ADGRL3: variants seen among roughly 807,000 people sequenced by gnomAD.
The protein encoded by ADGRL3 is calcium-independent alpha-latrotoxin receptor 3.
In ADGRL3, 62 loss-of-function variants were observed where a neutral mutation model predicts 153.5. That is an observed-to-expected ratio of 0.40 (90% CI 0.33 to 0.50). The LOEUF (loss-of-function observed/expected upper bound fraction) is 0.50, where lower values mean the gene tolerates loss of function less well. Among genes scored for constraint, ADGRL3 ranks in the 20% least tolerant of loss-of-function variants. ADGRL3 has a pLI of 0.47. For missense variants in ADGRL3, 1,641 were observed against 1,859.4 expected, an observed-to-expected ratio of 0.88 and a Z score of 2.16; for synonymous variants, 710 against 672.5, an observed-to-expected ratio of 1.06 and a Z score of -0.86.
intron 6 of ADGRL3, among the ~76,000 whole-genome samples, chr4:61,722,375 C>G (rs533032279): frequency 1.3e-5 from 2 of 152,116 alleles, no homozygotes; most frequent in Non-Finnish European, 2.9e-5. Flanking sequence ...CAACAAAACC[C>G]AACAAGACAT....
chr4:61,298,200 A>C lies in ADGRL3; in HGVS notation c.-239-84924A>C, dbSNP rs149569130. On this transcript the variant is annotated intron_variant, in intron 1 of 26. Transcript: ENST00000683033. ...GTAATTATTAACCTCTCTGTGTAAA[A>C]GTTATTTAAATTGTTATTTCTATAT... is the stretch of plus-strand genomic sequence containing the variant. 4.5e-3 allele frequency among the ~76,000 whole-genome samples: 680 copies of C among 152,280 alleles called. 4 individuals carry two copies. The highest frequency in any genetic ancestry group is 0.031 in the Middle Eastern group (9 of 294).
chr4:61,609,751 T>C (rs1038147980), intron 5 of ADGRL3, among the ~76,000 whole-genome samples: 2 of 152,092 alleles, frequency 1.3e-5, no homozygotes, highest in Non-Finnish European at 2.9e-5. Flanking sequence ...ATGTGTAGCA[T>C]TGTGATAACA....
chr4:61,276,539 T>C (rs752540453), intron 1 of ADGRL3, among the ~76,000 whole-genome samples: 1 of 152,196 alleles, frequency 6.6e-6, no homozygotes, highest in South Asian at 2.1e-4. Context: ...CTAAATTGTT[T>C]AGTGGGATTT....
chr4:61,267,299 A>G (rs1260202401), intron 1 of ADGRL3, among the ~76,000 whole-genome samples: 1 of 151,788 alleles, frequency 6.6e-6, no homozygotes, highest in African/African-American at 2.4e-5. Flanking sequence ...TAGCAGGAAT[A>G]AAAGTCTCTG....
intron 2 of ADGRL3, among the ~76,000 whole-genome samples, chr4:61,390,266 C>T (rs1392810517): frequency 6.6e-6 from 1 of 152,012 alleles, no homozygotes; most frequent in African/African-American, 2.4e-5. Context: ...TAGCAGTAGC[C>T]CAGTCAAAAT....
intron 9 of ADGRL3, among the ~76,000 whole-genome samples, chr4:61,854,892 C>T (rs1426617680): frequency 6.6e-6 from 1 of 152,144 alleles, no homozygotes; most frequent in African/African-American, 2.4e-5. Context: ...AATCTATGAT[C>T]TCAGTATAAC....
At chr4:61,962,574 A>G (rs947262875) in intron 17 of ADGRL3, among the ~76,000 whole-genome samples, 7 of 152,214 alleles carry the variant, frequency 4.6e-5, no homozygotes, top group Admixed American at 3.9e-4. Context: ...TCACAGTCAC[A>G]ACCTTTCTTA....
chr4:62,019,333 G>A (rs1022869711), intron 21 of ADGRL3, among the ~76,000 whole-genome samples: 1 of 151,950 alleles, frequency 6.6e-6, no homozygotes, highest in Non-Finnish European at 1.5e-5. Flanking sequence ...GTAGTCATAT[G>A]CATATATACA....
intron 1 of ADGRL3, among the ~76,000 whole-genome samples, chr4:61,326,340 A>G (rs973807145): frequency 1.3e-5 from 2 of 151,922 alleles, no homozygotes; most frequent in African/African-American, 2.4e-5. Flanking sequence ...ATTCCTGACC[A>G]TTTTCTACGT....
intron 25 of ADGRL3, among the ~76,000 whole-genome samples, chr4:62,067,280 T>TTA (rs1418768366): frequency 6.6e-6 from 1 of 152,054 alleles, no homozygotes. Flanking sequence ...TTATGATACT[T>TTA]TACCCTTTTT....
chr4:61,512,195 T>G (rs966458402), intron 3 of ADGRL3, among the ~76,000 whole-genome samples: 7 of 152,164 alleles, frequency 4.6e-5, no homozygotes, highest in African/African-American at 1.7e-4. Context: ...CTATTGTAAC[T>G]TTTTAATATA....
At chr4:61,272,967 A>G (rs141502516) in intron 1 of ADGRL3, among the ~76,000 whole-genome samples, 2 of 152,236 alleles carry the variant, frequency 1.3e-5, no homozygotes, top group African/African-American at 4.8e-5. Flanking sequence ...TGCCTCAGTC[A>G]TGCTAGCTGT....
chr4:62,025,311 A>C (rs558040168), intron 21 of ADGRL3, among the ~76,000 whole-genome samples: 3 of 152,308 alleles, frequency 2.0e-5, no homozygotes, highest in South Asian at 4.1e-4. Context: ...ATCCCACGTA[A>C]AACATTCTTC....
intron 9 of ADGRL3, among the ~76,000 whole-genome samples, chr4:61,859,380 T>A (rs1561372356): frequency 6.6e-6 from 1 of 152,206 alleles, no homozygotes; most frequent in Non-Finnish European, 1.5e-5. Context: ...ATATCTGTAG[T>A]GACAATATGG....
intron 8 of ADGRL3, among the ~76,000 whole-genome samples, chr4:61,795,945 C>T (rs1026760902): frequency 2.6e-5 from 4 of 152,072 alleles, no homozygotes; most frequent in African/African-American, 9.7e-5. Flanking sequence ...CAGGTTCAAG[C>T]GATTCTCCTG....
At chr4:61,241,238 G>A (rs1008112023) in intron 1 of ADGRL3, among the ~76,000 whole-genome samples, 3 of 151,944 alleles carry the variant, frequency 2.0e-5, no homozygotes, top group Non-Finnish European at 4.4e-5. Flanking sequence ...GAGATTAGAT[G>A]AATAAAGAGA....
chr4:61,573,161 G>A (rs968345944), intron 4 of ADGRL3, among the ~76,000 whole-genome samples: 3 of 151,908 alleles, frequency 2.0e-5, no homozygotes, highest in Non-Finnish European at 4.4e-5. Context: ...AGGATATTCT[G>A]TCGTATTTGA....
intron 9 of ADGRL3, among the ~76,000 whole-genome samples, chr4:61,862,715 CA>C (rs2098355629): frequency 1.3e-5 from 2 of 152,134 alleles, no homozygotes; most frequent in Non-Finnish European, 2.9e-5. Context: ...ACTCCAGATT[CA>C]TGGTCTCTAT....
chr4:62,017,694 T>G (rs1229848076), intron 21 of ADGRL3, among the ~76,000 whole-genome samples: 1 of 152,120 alleles, frequency 6.6e-6, no homozygotes, highest in Admixed American at 6.6e-5. Flanking sequence ...TTATAAAAAC[T>G]TTTATGAGTA....
Sources: gnomAD v4.1 joint callset for allele counts (sites outside exome capture counted in the v4.1 genomes callset) on GRCh38, gnomAD v4.1.1 for gene constraint, MANE v1.5 for transcripts, NCBI Gene and HGNC (gene_info 2026-07-23, HGNC 2026-07-21) for gene names.